AKT3: variants seen among roughly 807,000 people sequenced by gnomAD.
AKT3 encodes the protein RAC-gamma serine/threonine-protein kinase.
In AKT3, 15 loss-of-function variants were observed where a neutral mutation model predicts 65.3. The ratio of observed to expected loss-of-function variants is 0.23; its 90% confidence interval spans 0.15 to 0.35. The LOEUF (loss-of-function observed/expected upper bound fraction) is 0.35, where lower values mean the gene tolerates loss of function less well. AKT3 is among the 10% of genes least tolerant of loss of function. The pLI is 1.00. For missense variants in AKT3, 243 were observed against 576.5 expected (o/e 0.42, Z 5.92); for synonymous variants, 206 against 183.8 (o/e 1.12, Z -0.98).
At chr1:243,797,666 G>C (rs1457814715) in intron 2 of AKT3, among the ~76,000 whole-genome samples, 2 of 152,034 alleles carry the variant, frequency 1.3e-5, no homozygotes, top group Non-Finnish European at 2.9e-5. Context: ...TTTGATTGGA[G>C]GGTTAAACAG....
At chr1:243,840,318 A>AC (rs1427558233) in intron 2 of AKT3, among the ~76,000 whole-genome samples, 1 of 151,978 alleles carries the variant, frequency 6.6e-6, no homozygotes, top group East Asian at 1.9e-4. Context: ...ACACACGGAC[A>AC]CAAGGAGGGG....
At chr1:243,490,178 T>C (rs1025848429) in intron 13 of AKT3, among the ~76,000 whole-genome samples, 2 of 152,384 alleles carry the variant, frequency 1.3e-5, no homozygotes, top group East Asian at 3.8e-4. Context: ...AAGTACTGAC[T>C]TTTCCCACTC....
intron 8 of AKT3, among the ~76,000 whole-genome samples, chr1:243,576,520 G>A (rs1319106049): frequency 6.6e-6 from 1 of 152,140 alleles, no homozygotes; most frequent in Non-Finnish European, 1.5e-5. Flanking sequence ...AAGTTGATAA[G>A]CAAATTCAGC....
At chr1:243,807,861 C>T (rs1190077214) in intron 2 of AKT3, among the ~76,000 whole-genome samples, 2 of 152,200 alleles carry the variant, frequency 1.3e-5, no homozygotes, top group Non-Finnish European at 2.9e-5. Flanking sequence ...CAGGCAGCAA[C>T]ATTTGCTGTT....
chr1:243,806,161 T>C (rs149784366), intron 2 of AKT3, among the ~76,000 whole-genome samples: 2 of 152,292 alleles, frequency 1.3e-5, no homozygotes, highest in Non-Finnish European at 2.9e-5. Context: ...CCAATGAACA[T>C]GACTTCCTAG....
chr1:243,521,914 GCACT>G (rs1174847749), intron 12 of AKT3, among the ~76,000 whole-genome samples: 1 of 152,096 alleles, frequency 6.6e-6, no homozygotes, highest in Non-Finnish European at 1.5e-5. Flanking sequence ...AACTTCATAA[GCACT>G]CATCCTATTG....
At chr1:243,631,011 G>C (rs1189341172) in intron 6 of AKT3, among the ~76,000 whole-genome samples, 1 of 148,822 alleles carries the variant, frequency 6.7e-6, no homozygotes, top group Admixed American at 6.7e-5. Context: ...GTCAGGTTTT[G>C]TTCCAGACCA....
intron 3 of AKT3, among the ~76,000 whole-genome samples, chr1:243,683,072 A>T (rs1572163702): frequency 6.6e-6 from 1 of 152,176 alleles, no homozygotes; most frequent in East Asian, 1.9e-4. Context: ...AAATGAACAC[A>T]AAACTCTAGG....
At chr1:243,633,121 A>G (rs910699538) in intron 6 of AKT3, among the ~76,000 whole-genome samples, 2 of 152,230 alleles carry the variant, frequency 1.3e-5, no homozygotes, top group African/African-American at 2.4e-5. Flanking sequence ...GTGCTGAAGG[A>G]AAAAAACTAA....
intron 3 of AKT3, among the ~76,000 whole-genome samples, chr1:243,666,205 T>C (rs962008565): frequency 6.6e-6 from 1 of 152,114 alleles, no homozygotes; most frequent in Non-Finnish European, 1.5e-5. Flanking sequence ...GGTTTCACCA[T>C]GTTGGCCAAG....
At chr1:243,792,294 C>T (rs1357079251) in intron 2 of AKT3, among the ~76,000 whole-genome samples, 2 of 18,052 alleles carry the variant, frequency 1.1e-4, no homozygotes, top group African/African-American at 5.0e-4. Context: ...TGTGGGGAAA[C>T]AATTTATTCA....
intron 10 of AKT3, among the ~76,000 whole-genome samples, chr1:243,561,168 C>T (rs1277945626): frequency 6.6e-6 from 1 of 151,972 alleles, no homozygotes; most frequent in Non-Finnish European, 1.5e-5. Flanking sequence ...CACTTATTTA[C>T]AATAACTTAA....
chr1:243,803,617 GGTTT>G (rs1692513072), intron 2 of AKT3, among the ~76,000 whole-genome samples: 1 of 146,710 alleles, frequency 6.8e-6, no homozygotes, highest in African/African-American at 2.5e-5. Context: ...TTGACAACTT[GGTTT>G]GTTACAGAAC....
chr1:243,740,720 G>A (rs1688100588), intron 2 of AKT3: 1 of 152,176 alleles, frequency 6.6e-6, no homozygotes, highest in Non-Finnish European at 1.5e-5. Context: ...TACCTGAAGA[G>A]TGCTTGAAAA....
chr1:243,575,604 T>C (rs1574636785), intron 8 of AKT3, among the ~76,000 whole-genome samples: 1 of 152,190 alleles, frequency 6.6e-6, no homozygotes, highest in East Asian at 1.9e-4. Flanking sequence ...AGGGTTGTGA[T>C]AACATTTTAT....
chr1:243,682,239 G>A (rs1683976070), intron 3 of AKT3, among the ~76,000 whole-genome samples: 1 of 151,928 alleles, frequency 6.6e-6, no homozygotes, highest in Admixed American at 6.6e-5. Context: ...CAGGCTGCAG[G>A]TGGTGATCCT....
At chr1:243,786,931 AG>A (rs1691303156) in intron 2 of AKT3, among the ~76,000 whole-genome samples, 1 of 152,232 alleles carries the variant, frequency 6.6e-6, no homozygotes, top group Non-Finnish European at 1.5e-5. Context: ...GGCAAAAAAA[AG>A]AAGAGGCCCA....
At chr1:243,698,764 T>C (rs943182087) in intron 2 of AKT3, among the ~76,000 whole-genome samples, 2 of 152,152 alleles carry the variant, frequency 1.3e-5, no homozygotes, top group Admixed American at 6.6e-5. Flanking sequence ...TCAACAATTA[T>C]ACTGTGATAC....
chr1:243,709,311 T>C (rs543951106), intron 2 of AKT3, among the ~76,000 whole-genome samples: 3 of 150,570 alleles, frequency 2.0e-5, no homozygotes, highest in African/African-American at 4.9e-5. Flanking sequence ...AGAGCTTCTA[T>C]TGAAGGAAGA....
Sources: allele counts gnomAD v4.1 joint callset (sites outside exome capture counted in the v4.1 genomes callset), GRCh38; gene constraint gnomAD v4.1.1; transcripts MANE v1.5; gene names NCBI Gene and HGNC (gene_info 2026-07-23, HGNC 2026-07-21).